Variants in ZYG11B observed in about 807,000 individuals in gnomAD.
ZYG11B encodes protein zyg-11 homolog B.
In ZYG11B, 36 loss-of-function variants were observed where a neutral mutation model predicts 82.4. The observed-to-expected ratio is 0.44, with a 90% confidence interval of 0.33 to 0.58. The LOEUF is 0.58. Ranked by LOEUF, ZYG11B falls within the 20% of genes least tolerant of loss-of-function variation. ZYG11B has a pLI of 0.02. For synonymous variants in ZYG11B, 303 were observed against 312.8 expected (o/e 0.97, Z 0.33); for missense variants, 552 against 895.6 (o/e 0.62, Z 4.90).
At chr1:52,736,428 A>G (rs937012652) in intron 1 of ZYG11B, among the ~76,000 whole-genome samples, 1 of 151,884 alleles carries the variant, frequency 6.6e-6, no homozygotes, top group South Asian at 2.1e-4. Context: ...ATGCACTACC[A>G]TGCCCAGCTA....
intron 1 of ZYG11B, among the ~76,000 whole-genome samples, chr1:52,746,687 G>GTTTTTTTTTT (rs11446988): frequency 0.026 from 861 of 33,482 alleles, 206 homozygotes; most frequent in Admixed American, 0.032. Context: ...ATCGGCCACT[G>GTTTTTTTTTT]TTTTTTTTTT....
At chr1:52,766,747 G>A (rs1019808957) in intron 2 of ZYG11B, among the ~76,000 whole-genome samples, 25 of 152,068 alleles carry the variant, frequency 1.6e-4, no homozygotes, top group Admixed American at 1.1e-3. Context: ...AGTGGCTCAC[G>A]CCTGTAATCC....
chr1:52,742,979 G>A (rs77263676), intron 1 of ZYG11B, among the ~76,000 whole-genome samples: 1 of 151,666 alleles, frequency 6.6e-6, no homozygotes, highest in Admixed American at 6.6e-5. Context: ...CCGGGAGGTG[G>A]GGGGCGCCTC....
intron 10 of ZYG11B, among the ~76,000 whole-genome samples, chr1:52,808,303 G>T (rs1054160986): frequency 6.6e-6 from 1 of 152,138 alleles, no homozygotes; most frequent in African/African-American, 2.4e-5. Context: ...GACGGAGGTT[G>T]CAGTGAGCCG....
At chr1:52,762,600 G>T (rs1347685663) in intron 2 of ZYG11B, among the ~76,000 whole-genome samples, 2 of 151,550 alleles carry the variant, frequency 1.3e-5, no homozygotes, top group African/African-American at 4.9e-5. Context: ...GTTTTTTTGA[G>T]ACGAAGTTTT....
At chr1:52,789,896 G>A in intron 5 of ZYG11B, 107 bp from the exon 6 acceptor site, 2 of 688,622 alleles carry the variant, frequency 2.9e-6, no homozygotes, top group Admixed American at 6.3e-5. Flanking sequence ...GAAATAACTG[G>A]TGTTTCATCA....
chr1:52,742,385 G>A (rs776887155), intron 1 of ZYG11B, among the ~76,000 whole-genome samples: 8 of 152,064 alleles, frequency 5.3e-5, no homozygotes, highest in Non-Finnish European at 1.0e-4. Flanking sequence ...CTGGGAAGTC[G>A]AGGCTGCAGT....
chr1:52,734,259 A>G lies in ZYG11B; in HGVS notation c.30+7576A>G, dbSNP rs556030467. On this transcript the variant is annotated intron_variant, in intron 1 of 13. Transcript: ENST00000294353. ...GTGATCCTACTGCCTCAGCCCATCA[A>G]AGTGCTGGGATGTCAAGCCATGAGC... is the stretch of plus-strand genomic sequence containing the variant. Among the ~76,000 whole-genome samples, 13 of 152,178 alleles carry G rather than the reference A, an allele frequency of 8.5e-5. No homozygotes were observed. In the East Asian group the frequency reaches 2.5e-3, roughly 29 times the overall value.
intron 1 of ZYG11B, among the ~76,000 whole-genome samples, chr1:52,750,774 C>T (rs954208528): frequency 3.3e-5 from 5 of 152,104 alleles, no homozygotes; most frequent in African/African-American, 9.7e-5. Flanking sequence ...TCTTCTAACC[C>T]ACCTTCCCTC....
intron 3 of ZYG11B, chr1:52,772,604 A>G (rs1644762297): frequency 3.0e-6 from 4 of 1,346,126 alleles, no homozygotes; most frequent in Non-Finnish European, 4.3e-6. Context: ...GATAGGGTAA[A>G]GCCGACTGGG....
intron 4 of ZYG11B, 97 bp downstream of exon 4, chr1:52,780,090 T>C: frequency 1.7e-6 from 2 of 1,203,948 alleles, no homozygotes; most frequent in Non-Finnish European, 2.3e-6. Context: ...TTAGTCTTTT[T>C]TTATTATTTA....
chr1:52,783,991 T>TAGAGAG (rs1346019791), intron 4 of ZYG11B, among the ~76,000 whole-genome samples: 1 of 140,124 alleles, frequency 7.1e-6, no homozygotes, highest in African/African-American at 2.9e-5. Context: ...CACACATATA[T>TAGAGAG]ATATATAGAG....
intron 5 of ZYG11B, among the ~76,000 whole-genome samples, chr1:52,788,784 T>C (rs503015): frequency 0.59 from 90,124 of 152,076 alleles, 29,449 homozygotes; most frequent in East Asian, 0.97. Flanking sequence ...GGTAATATCT[T>C]TGCCCTGAGT....
At chr1:52,761,877 G>GAT (rs1162456856) in intron 2 of ZYG11B, among the ~76,000 whole-genome samples, 10 of 152,100 alleles carry the variant, frequency 6.6e-5, no homozygotes, top group African/African-American at 1.9e-4. Context: ...CCTGAGGTGA[G>GAT]ATAATACCTT....
rs146848047 is a variant in ZYG11B, at chr1:52,811,411, T to C, written c.1696-2125T>C. Reference sequence around the variant, plus strand: ...TCCCACAGGTCCCAGAACTCCACTATTGGCTTTTTTCCCCAGTCTGATTTT... The same window carrying C: ...TCCCACAGGTCCCAGAACTCCACTACTGGCTTTTTTCCCCAGTCTGATTTT... On this transcript the variant is annotated intron_variant, in intron 10 of 13. Transcript: ENST00000294353. 1.8e-4 allele frequency among the ~76,000 whole-genome samples: 27 copies of C among 152,312 alleles called. No homozygotes were observed. In the East Asian group the frequency reaches 4.2e-3, roughly 24 times the overall value.
intron 8 of ZYG11B, among the ~76,000 whole-genome samples, chr1:52,797,302 TATAA>T (rs1645028622): frequency 1.2e-5 from 1 of 83,524 alleles, no homozygotes; most frequent in African/African-American, 5.6e-5. Flanking sequence ...TAAAATATAA[TATAA>T]ATATATACAT....
intron 1 of ZYG11B, among the ~76,000 whole-genome samples, chr1:52,742,318 G>A (rs1364075525): frequency 6.6e-6 from 1 of 152,062 alleles, no homozygotes; most frequent in Non-Finnish European, 1.5e-5. Context: ...CAGACATGAT[G>A]ACACGTGCCT....
At position 52,785,007 on chromosome 1, in the gene ZYG11B, C is replaced by G. The variant is rs369577797; in HGVS notation, c.1223C>G (p.Thr408Ser). The G allele has an allele frequency of 1.9e-6, 3 of 1,613,784 alleles. No individual in the cohort carries two copies. The highest frequency in any genetic ancestry group is 2.5e-6 in the Non-Finnish European group (3 of 1,179,982). The change falls in exon 5 of 14, where the codon ACC becomes AGC. Residue 408 changes from threonine to serine, a missense_variant. By Grantham distance (58) the Thr-to-Ser change is moderately conservative. This residue lies in a region of ZYG11B where 359 missense variants were observed against 555.8 expected (regional missense o/e 0.65). Coordinates refer to ENST00000294353, the MANE Select transcript of ZYG11B (RefSeq NM_024646.3). ...GMPVRLLADV[T>S]HLLLKAMEHF... ...CCTGTCCGACTCCTGGCTGATGTGA[C>G]CCATTTGCTGCTCAAAGCCATGGAA...
chr1:52,735,703 A>G (rs1644373292), intron 1 of ZYG11B, among the ~76,000 whole-genome samples: 1 of 151,964 alleles, frequency 6.6e-6, no homozygotes, highest in Non-Finnish European at 1.5e-5. Context: ...TGCCCGGCTA[A>G]TTTTTGTATT....
Sources: allele counts gnomAD v4.1 joint callset (sites outside exome capture counted in the v4.1 genomes callset), GRCh38; gene constraint gnomAD v4.1.1; regional missense constraint gnomAD v4.1.1; transcripts MANE v1.5; gene names NCBI Gene and HGNC (gene_info 2026-07-23, HGNC 2026-07-21).